PPAT: variants seen among roughly 807,000 people sequenced by gnomAD.
PPAT encodes phosphoribosyl pyrophosphate amidotransferase.
A neutral mutation model predicts 60.2 loss-of-function variants in PPAT; 20 were observed. The ratio of observed to expected loss-of-function variants is 0.33; its 90% CI spans 0.23 to 0.48. PPAT has a LOEUF of 0.48. Ranked by LOEUF, PPAT falls within the 20% of genes least tolerant of loss-of-function variation. The probability of loss-of-function intolerance (pLI) is 0.99; values close to 1 mark genes in which losing one functional copy is unlikely to be tolerated. For missense variants in PPAT, 349 were observed against 629.6 expected (o/e 0.55, Z 4.77); for synonymous variants, 194 against 215.1 (o/e 0.90, Z 0.86).
chr4:56,435,092 C>T (rs1269921351), intron 1 of PPAT, among the ~76,000 whole-genome samples: 2 of 152,200 alleles, frequency 1.3e-5, no homozygotes, highest in African/African-American at 2.4e-5. Context: ...TGGGTGCACA[C>T]ACCGGGGGGC....
intron 1 of PPAT, among the ~76,000 whole-genome samples, chr4:56,408,822 C>T (rs1716324376): frequency 1.3e-5 from 2 of 151,272 alleles, no homozygotes; most frequent in African/African-American, 4.9e-5. Context: ...TGAAAGAAAA[C>T]CCATTAACAT....
Position 56,395,475 on chromosome 4 carries a change from T to C in PPAT, c.1431A>G (p.Lys477=). 1 of 1,612,626 alleles carries C rather than the reference T, an allele frequency of 6.2e-7. No individual in the cohort carries two copies. The highest frequency in any genetic ancestry group is 8.5e-7 in the Non-Finnish European group (1 of 1,179,224). Residue 477 remains lysine (K), a synonymous_variant, in exon 11 of 11, where the codon AAA becomes AAG. Coordinates refer to ENST00000264220, the MANE Select transcript of PPAT (RefSeq NM_002703.5). ...SSVQEGIKFK[K]QKEKKHDIMI... ...TAATATCGTGCTTTTTCTCTTTCTG[T>C]TTTTTAAACTTTATCCCTTCTTGTA...
intron 9 of PPAT, 66 bp downstream of exon 9, chr4:56,399,113 A>T (rs1052123405): frequency 4.3e-6 from 6 of 1,387,194 alleles, no homozygotes; most frequent in African/African-American, 1.4e-5. Context: ...ACTACCCTGA[A>T]TTGCAATTTT....
At chr4:56,399,592 G>A (rs1049663414) in intron 8 of PPAT, 192 bp from the exon 9 acceptor site, 2 of 512,312 alleles carry the variant, frequency 3.9e-6, no homozygotes, top group African/African-American at 1.9e-5. Context: ...CATTTTGTGA[G>A]GACTCATAAT....
At chr4:56,406,215 T>C (rs1457273737) in intron 3 of PPAT, among the ~76,000 whole-genome samples, 1 of 152,206 alleles carries the variant, frequency 6.6e-6, no homozygotes, top group African/African-American at 2.4e-5. Flanking sequence ...AATTTCTCTA[T>C]GCTTCCATCC....
In PPAT at chr4:56,435,541, G is replaced by A. The variant is rs1282947342; in HGVS notation, c.-64C>T. ...GCCAAGGTGTAAGCACCAACCAGCT[G>A]CCAGCTCGGCCCGTCGAGCTCAGAA... On this transcript the variant is annotated 5_prime_UTR_variant, in exon 1 of 11. Coordinates refer to ENST00000264220, the MANE Select transcript of PPAT (RefSeq NM_002703.5). 4 of 1,609,042 alleles carry A rather than the reference G, an allele frequency of 2.5e-6. No individual in the cohort carries two copies. Among genetic ancestry groups the A allele is most frequent in the Admixed American group, 1.7e-5 (1 of 59,860 alleles).
chr4:56,435,528 G>C lies in PPAT; in HGVS notation c.-51C>G, dbSNP rs201978310. 451 of 1,611,038 alleles carry C rather than the reference G, an allele frequency of 2.8e-4. No homozygotes were observed. The highest frequency in any genetic ancestry group is 3.6e-4 in the Non-Finnish European group (423 of 1,179,194). On this transcript the variant is annotated 5_prime_UTR_variant, in exon 1 of 11. Coordinates refer to ENST00000264220, the MANE Select transcript of PPAT (RefSeq NM_002703.5). ...ACCTGCCGCTGCGGCCAAGGTGTAAGCACCAACCAGCTGCCAGCTCGGCCC... is the reference window on the plus strand; with the variant it reads ...ACCTGCCGCTGCGGCCAAGGTGTAACCACCAACCAGCTGCCAGCTCGGCCC...
At chr4:56,425,840 T>G (rs1275179037) in intron 1 of PPAT, among the ~76,000 whole-genome samples, 2 of 152,240 alleles carry the variant, frequency 1.3e-5, no homozygotes, top group East Asian at 3.8e-4. Flanking sequence ...ATAAAAACTC[T>G]GGCTTAGAGG....
At chr4:56,413,157 GGTTTT>G (rs1243207235) in intron 1 of PPAT, among the ~76,000 whole-genome samples, 9 of 149,288 alleles carry the variant, frequency 6.0e-5, no homozygotes, top group Admixed American at 1.3e-4. Flanking sequence ...TTTGGTTTTT[GGTTTT>G]GTTTTGTTTT....
chr4:56,407,475 C>T (rs188773271), intron 2 of PPAT, among the ~76,000 whole-genome samples, 175 bp downstream of exon 2: 1 of 152,198 alleles, frequency 6.6e-6, no homozygotes, highest in African/African-American at 2.4e-5. Flanking sequence ...TGCGCCACCA[C>T]GCCTGGCTAA....
chr4:56,426,262 G>A (rs1208894540), intron 1 of PPAT, among the ~76,000 whole-genome samples: 2 of 152,056 alleles, frequency 1.3e-5, no homozygotes, highest in African/African-American at 4.8e-5. Flanking sequence ...TTAGCTGGGC[G>A]TGGTGGCCGC....
At chr4:56,432,729 G>A (rs1717661983) in intron 1 of PPAT, among the ~76,000 whole-genome samples, 1 of 149,802 alleles carries the variant, frequency 6.7e-6, no homozygotes, top group African/African-American at 2.5e-5. Context: ...AGCTTGCAGT[G>A]AGGGGAGACT....
intron 2 of PPAT, among the ~76,000 whole-genome samples, chr4:56,407,302 CA>C (rs1716264524): frequency 6.6e-6 from 1 of 151,806 alleles, no homozygotes; most frequent in Non-Finnish European, 1.5e-5. Flanking sequence ...TTATCTTTGT[CA>C]TCCCATTTCT....
intron 1 of PPAT, among the ~76,000 whole-genome samples, chr4:56,429,909 T>G (rs914547092): frequency 6.6e-6 from 1 of 152,198 alleles, no homozygotes; most frequent in South Asian, 2.1e-4. Flanking sequence ...CACCCATGAC[T>G]TTACTCACAA....
intron 1 of PPAT, chr4:56,410,882 CCA>C: frequency 1.1e-6 from 1 of 932,852 alleles, no homozygotes; most frequent in South Asian, 5.0e-5. Flanking sequence ...AAGTACAGCC[CCA>C]GAGACCACTG....
intron 1 of PPAT, among the ~76,000 whole-genome samples, chr4:56,412,475 A>T (rs1456038949): frequency 6.6e-6 from 1 of 152,010 alleles, no homozygotes; most frequent in Admixed American, 6.5e-5. Context: ...ATGCCTGGCT[A>T]ATTTTTTGTG....
intron 1 of PPAT, among the ~76,000 whole-genome samples, chr4:56,429,757 C>A (rs1415742264): frequency 6.6e-6 from 1 of 152,200 alleles, no homozygotes; most frequent in Non-Finnish European, 1.5e-5. Context: ...ATAAAACTTA[C>A]TAGCACCCTA....
At chr4:56,420,788 C>T (rs1717000063) in intron 1 of PPAT, 1 of 151,886 alleles carries the variant, frequency 6.6e-6, no homozygotes, top group Non-Finnish European at 1.5e-5. Context: ...TCTCTGAGAC[C>T]CATCATAAAT....
At chr4:56,407,518 A>G (rs1443660189) in intron 2 of PPAT, 132 bp downstream of exon 2, 27 of 645,680 alleles carry the variant, frequency 4.2e-5, no homozygotes, top group Non-Finnish European at 7.5e-5. Context: ...GGGTTTCTCC[A>G]TGTTGGTCAG....
Sources: gnomAD v4.1 joint callset for allele counts (sites outside exome capture counted in the v4.1 genomes callset) on GRCh38, gnomAD v4.1.1 for gene constraint, MANE v1.5 for transcripts, NCBI Gene and HGNC (gene_info 2026-07-23, HGNC 2026-07-21) for gene names.